The following PRKN variants were observed in gnomAD, a reference collection of about 807,000 sequenced individuals.
The protein encoded by PRKN is parkin RBR E3 ubiquitin protein ligase.
Under a neutral mutation model 59.5 loss-of-function variants are expected in PRKN, and 56 were observed. That is an observed-to-expected ratio of 0.94 (90% confidence interval 0.76 to 1.18). The LOEUF is 1.18. PRKN is among the 50% of genes most tolerant of loss of function. The probability of loss-of-function intolerance (pLI) is 0.00; values close to 1 mark genes in which losing one functional copy is unlikely to be tolerated. For missense variants in PRKN, 657 were observed against 596.4 expected, an observed-to-expected ratio of 1.10 and a Z score of -1.06; for synonymous variants, 250 against 222.1, an observed-to-expected ratio of 1.13 and a Z score of -1.12.
rs1249184492 is a variant in PRKN, at chr6:161,407,148, T to C, written c.1084-20271A>G. 6.6e-6 allele frequency among the ~76,000 whole-genome samples: 1 copy of C among 152,212 alleles called. No individual in the cohort carries two copies. The highest frequency in any genetic ancestry group is 1.5e-5 in the Non-Finnish European group (1 of 68,040). ...AAATGTCTTTATATTTTTATAAATA[T>C]GGTTTCACAATTTTTTACAGAGTCA... On this transcript the variant is annotated intron_variant, in intron 9 of 11. Transcript: ENST00000366898. The surrounding 1 kb of genome is among the most constrained non-coding windows in gnomAD (Gnocchi z 4.9).
intron 1 of PRKN, among the ~76,000 whole-genome samples, chr6:162,564,188 T>C (rs1779965082): frequency 6.6e-6 from 1 of 151,560 alleles, no homozygotes; most frequent in Non-Finnish European, 1.5e-5. Flanking sequence ...CTACAAAAAA[T>C]ACAAAAATTA....
At chr6:161,955,100 A>G (rs757602300) in intron 6 of PRKN, among the ~76,000 whole-genome samples, 2 of 152,220 alleles carry the variant, frequency 1.3e-5, no homozygotes, top group African/African-American at 4.8e-5. Flanking sequence ...TCACAAAATC[A>G]TTCCTGGGTC....
rs941925302 is a variant in PRKN at position 161,593,457 on chromosome 6, A to T, written c.872-24041T>A. Among the ~76,000 whole-genome samples the T allele has an allele frequency of 4.6e-5, 7 of 152,068 alleles. No individual in the cohort carries two copies. The highest frequency in any genetic ancestry group is 1.7e-4 in the African/African-American group (7 of 41,412). On this transcript the variant is annotated intron_variant, in intron 7 of 11. Transcript: ENST00000366898. The surrounding 1 kb of genome is among the most constrained non-coding windows in gnomAD (Gnocchi z 4.8). ...CCTGAACTCTGGAATAGTCTGGGGG[A>T]GCAAAACAAGATCCAGGGAGCCCAG...
At position 161,350,034 on chromosome 6, in the gene PRKN, A is replaced by G; in HGVS notation, c.*65T>C. ...TGTGTGTGTTTGAAAAGAGAATTAGAAAATGAAGGTAGACACTGGGTATGC... is the reference window on the plus strand; with the variant it reads ...TGTGTGTGTTTGAAAAGAGAATTAGGAAATGAAGGTAGACACTGGGTATGC... On this transcript the variant is annotated 3_prime_UTR_variant, in exon 12 of 12. Coordinates refer to ENST00000366898, the MANE Select transcript of PRKN (RefSeq NM_004562.3). The G allele has an allele frequency of 9.7e-7, 1 of 1,028,898 alleles. No individual in the cohort carries two copies. The highest frequency in any genetic ancestry group is 1.5e-6 in the Non-Finnish European group (1 of 660,198). 63.7% of individuals were successfully genotyped at this position (1,028,898 alleles called of 1,614,324 possible).
chr6:161,597,263 T>A (rs1455020806), intron 7 of PRKN, among the ~76,000 whole-genome samples: 5 of 152,224 alleles, frequency 3.3e-5, no homozygotes, highest in African/African-American at 4.8e-5. Flanking sequence ...TTCTCATAAC[T>A]AAACAGCAAA....
At chr6:161,646,973 T>G (rs756541818) in intron 7 of PRKN, among the ~76,000 whole-genome samples, 5 of 152,210 alleles carry the variant, frequency 3.3e-5, no homozygotes, top group Non-Finnish European at 7.3e-5. Flanking sequence ...AACACTTAAT[T>G]TCCTATTGGC....
At chr6:161,649,391 C>A (rs1784073014) in intron 7 of PRKN, among the ~76,000 whole-genome samples, 1 of 152,192 alleles carries the variant, frequency 6.6e-6, no homozygotes, top group African/African-American at 2.4e-5. Context: ...AAGGATGCTT[C>A]TCTGGCTTAA....
At chr6:162,035,766 T>C (rs1389963978) in intron 5 of PRKN, among the ~76,000 whole-genome samples, 2 of 152,138 alleles carry the variant, frequency 1.3e-5, no homozygotes, top group Admixed American at 1.3e-4. Context: ...AAGGTTAATA[T>C]AATAAAAAGA....
At chr6:161,756,663 G>A (rs183733120) in intron 7 of PRKN, among the ~76,000 whole-genome samples, 22 of 151,024 alleles carry the variant, frequency 1.5e-4, no homozygotes, top group Non-Finnish European at 2.5e-4. Context: ...GAGATTCATG[G>A]CCTGTGTGGG....
rs566279287 is a variant in PRKN at position 162,205,261 on chromosome 6, A to G, written c.413-4009T>C. 5.4e-4 allele frequency among the ~76,000 whole-genome samples: 83 copies of G among 152,314 alleles called. 3 individuals carry two copies. In the South Asian group the frequency reaches 0.017, roughly 31 times the overall value. ...CTTTTCTTGGTCAAAAAAGTTGCTG[A>G]AATAACAATGTTTACAACATATTGA... is the stretch of plus-strand genomic sequence containing the variant. On this transcript the variant is annotated intron_variant, in intron 3 of 11. Coordinates refer to ENST00000366898, the MANE Select transcript of PRKN (RefSeq NM_004562.3).
intron 6 of PRKN, among the ~76,000 whole-genome samples, chr6:161,956,859 T>C (rs1423147699): frequency 2.6e-5 from 4 of 152,202 alleles, no homozygotes; most frequent in Non-Finnish European, 5.9e-5. Context: ...AATAGAGTTA[T>C]ATATAATATA....
chr6:161,502,123 A>G lies in PRKN; in HGVS notation c.1083+46731T>C, dbSNP rs577876. 0.38 allele frequency among the ~76,000 whole-genome samples: 58,134 copies of G among 151,972 alleles called. 11,710 individuals are homozygous for G. Among genetic ancestry groups the G allele is most frequent in the East Asian group, 0.54 (2,756 of 5,142 alleles). On this transcript the variant is annotated intron_variant, in intron 9 of 11. Transcript: ENST00000366898. This position sits in a 1 kb window ranked among gnomAD's most constrained non-coding sequence, Gnocchi z 4.0. Reference sequence around the variant, plus strand: ...CTGCTTTTTGTGGATCACATGAAGCAACTCTGAAATGCATTATCCTGATCA... The same window carrying G: ...CTGCTTTTTGTGGATCACATGAAGCGACTCTGAAATGCATTATCCTGATCA...
At chr6:162,259,023 G>A (rs2128098935) in intron 3 of PRKN, among the ~76,000 whole-genome samples, 1 of 152,156 alleles carries the variant, frequency 6.6e-6, no homozygotes, top group East Asian at 1.9e-4. Flanking sequence ...GCCCTCCCAC[G>A]TCCAGCCAGC....
In PRKN at chr6:162,153,124, A is replaced by AC. The variant is rs1425517457; in HGVS notation, c.534+48006dup. Among the ~76,000 whole-genome samples, 9 of 152,142 alleles carry AC rather than the reference A, an allele frequency of 5.9e-5. No homozygotes were observed. The East Asian group carries it at 1.3e-3, about 23-fold the overall frequency. On this transcript the variant is annotated intron_variant, in intron 4 of 11. Coordinates refer to ENST00000366898, the MANE Select transcript of PRKN (RefSeq NM_004562.3). ...AGTATTGATGCAGGATATTTTCTTGACCCCTTCACAGGACCTGTGACAGAG... is the reference window on the plus strand; with the variant it reads ...AGTATTGATGCAGGATATTTTCTTGACCCCCTTCACAGGACCTGTGACAGAG...
intron 7 of PRKN, among the ~76,000 whole-genome samples, chr6:161,651,549 T>C (rs1451412867): frequency 6.6e-6 from 1 of 152,194 alleles, no homozygotes; most frequent in African/African-American, 2.4e-5. Context: ...TGATGGATAC[T>C]TACCAAGTGT....
rs556803624 is a variant in PRKN at position 162,563,167 on chromosome 6, A to G, written c.8-119694T>C. On this transcript the variant is annotated intron_variant, in intron 1 of 11. Coordinates refer to ENST00000366898, the MANE Select transcript of PRKN (RefSeq NM_004562.3). ...GAATACAAAAAAATTAGCCAGACGT[A>G]GTGGTGGGCGCCTGTAGTCCCAGCT... Among the ~76,000 whole-genome samples, 61 of 152,238 alleles carry G rather than the reference A, an allele frequency of 4.0e-4. 2 individuals carry two copies. The South Asian group carries it at 0.012, about 31-fold the overall frequency.
At chr6:161,662,091 T>C (rs1437069037) in intron 7 of PRKN, among the ~76,000 whole-genome samples, 1 of 152,092 alleles carries the variant, frequency 6.6e-6, no homozygotes, top group Non-Finnish European at 1.5e-5. Context: ...CCATTCTGTA[T>C]GGAAAGATGA....
rs548737402 is a variant in PRKN, at chr6:162,192,012, A to G, written c.534+9119T>C. 2.6e-5 allele frequency among the ~76,000 whole-genome samples: 4 copies of G among 152,348 alleles called. No individual in the cohort carries two copies. In the South Asian group the frequency reaches 8.3e-4, roughly 32 times the overall value. On this transcript the variant is annotated intron_variant, in intron 4 of 11. Coordinates refer to ENST00000366898, the MANE Select transcript of PRKN (RefSeq NM_004562.3). ...TTAAACATGATACATACATGTAACT[A>G]CAACGTAAAATGAAACAATAAGACA...
chr6:161,465,707 C>T (rs867166931), intron 9 of PRKN, among the ~76,000 whole-genome samples: 1 of 151,932 alleles, frequency 6.6e-6, no homozygotes, highest in Non-Finnish European at 1.5e-5. Context: ...TTCTTTGTAC[C>T]GCTACTGCTT....
Sources: allele counts gnomAD v4.1 joint callset (sites outside exome capture counted in the v4.1 genomes callset), GRCh38; gene constraint gnomAD v4.1.1; non-coding constraint Gnocchi (gnomAD v3.1); transcripts MANE v1.5; gene names NCBI Gene and HGNC (gene_info 2026-07-23, HGNC 2026-07-21).